RORA: variants seen among roughly 807,000 people sequenced by gnomAD.
RORA encodes the protein RAR related orphan receptor A.
Under a neutral mutation model 69.5 loss-of-function variants are expected in RORA, and 7 were observed. The observed-to-expected ratio is 0.10, with a 90% CI of 0.06 to 0.19. RORA has a LOEUF of 0.19. Among genes scored for constraint, RORA ranks in the 10% least tolerant of loss-of-function variants. The probability of loss-of-function intolerance (pLI) is 1.00; values close to 1 mark genes in which losing one functional copy is unlikely to be tolerated. For synonymous variants in RORA, 261 were observed against 240.8 expected (o/e 1.08, Z -0.78); for missense variants, 457 against 663.0 (o/e 0.69, Z 3.41).
At chr15:60,973,850 C>T (rs1426376936) in intron 1 of RORA, among the ~76,000 whole-genome samples, 1 of 152,208 alleles carries the variant, frequency 6.6e-6, no homozygotes, top group Non-Finnish European at 1.5e-5. Flanking sequence ...CTGGACTCGC[C>T]AATTAGGCCC....
At chr15:60,853,987 G>A (rs1239828483) in intron 1 of RORA, among the ~76,000 whole-genome samples, 2 of 152,148 alleles carry the variant, frequency 1.3e-5, no homozygotes, top group Admixed American at 6.5e-5. Flanking sequence ...GGTACAGTGG[G>A]GCGTGGTGGC....
At chr15:60,684,843 A>C (rs945639250) in intron 1 of RORA, among the ~76,000 whole-genome samples, 5 of 152,112 alleles carry the variant, frequency 3.3e-5, no homozygotes. Flanking sequence ...GAAGGCTTTC[A>C]CAAGATTTAT....
chr15:60,503,661 C>T lies in RORA; in HGVS notation c.949G>A (p.Glu317Lys). Residue 317 changes from glutamate (E) to lysine (K), a missense_variant, in exon 7 of 11, where the codon GAG (glutamate) becomes AAG (lysine). Physicochemically the swap from Glu to Lys is moderately conservative, Grantham distance 56. This residue lies in a region of RORA where 304 missense variants were observed against 447.4 expected (regional missense o/e 0.68). Transcript: ENST00000335670. ...ATGGCACACAATTGCCACATCACCT[C>T]CCGCTGCTGTTAAAGAGGGAAACAC... ...EIENYQNKQR[E>K]VMWQLCAIKI... 6.2e-7 allele frequency: 1 copy of T among 1,613,864 alleles called. No individual in the cohort carries two copies. Among genetic ancestry groups the T allele is most frequent in the Non-Finnish European group, 8.5e-7 (1 of 1,179,988 alleles).
At chr15:60,736,919 T>C (rs117728520) in intron 1 of RORA, 1 of 152,312 alleles carries the variant, frequency 6.6e-6, no homozygotes, top group East Asian at 1.9e-4. Context: ...CTTGCCACCT[T>C]CCCAATGCCT....
intron 1 of RORA, among the ~76,000 whole-genome samples, chr15:61,145,799 A>G (rs757261600): frequency 6.6e-6 from 1 of 152,172 alleles, no homozygotes; most frequent in Admixed American, 6.5e-5. Flanking sequence ...TTCAGCCAAG[A>G]GAAGGGGGCA....
intron 2 of RORA, among the ~76,000 whole-genome samples, chr15:60,673,992 CCTGA>C (rs926655967): frequency 6.6e-6 from 1 of 152,178 alleles, no homozygotes; most frequent in Non-Finnish European, 1.5e-5. Flanking sequence ...TATCCCTTTT[CCTGA>C]CTATTTGTCA....
rs1567026119 is a variant in RORA at position 60,489,001 on chromosome 15, T to C, written c.*8454A>G. 6.6e-6 allele frequency: 1 copy of C among 152,204 alleles called. No individual in the cohort carries two copies. Among genetic ancestry groups the C allele is most frequent in the East Asian group, 1.9e-4 (1 of 5,196 alleles). 9.4% of individuals were successfully genotyped at this position (152,204 alleles called of 1,614,324 possible). ...AACGTTTTAATTGGGGCACACTTGT[T>C]ATCATTTAACAATTGTCAAATGCTG... On this transcript the variant is annotated 3_prime_UTR_variant, in exon 11 of 11. Transcript: ENST00000335670.
chr15:60,619,975 G>A (rs968130642), intron 2 of RORA, among the ~76,000 whole-genome samples: 4 of 152,170 alleles, frequency 2.6e-5, no homozygotes, highest in Non-Finnish European at 4.4e-5. Flanking sequence ...CTTCTCTGAC[G>A]TCTTCCCCAG....
chr15:60,809,352 A>G (rs2072709390), intron 1 of RORA, among the ~76,000 whole-genome samples: 1 of 152,184 alleles, frequency 6.6e-6, no homozygotes, highest in Admixed American at 6.5e-5. Flanking sequence ...GTGTTTTTCA[A>G]AATTCATTTA....
intron 1 of RORA, among the ~76,000 whole-genome samples, chr15:61,167,305 C>T (rs762957814): frequency 4.6e-5 from 7 of 151,996 alleles, no homozygotes; most frequent in Non-Finnish European, 7.4e-5. Flanking sequence ...TCCTGATATT[C>T]ATATAGTCCA....
chr15:60,868,647 G>A (rs960139763), intron 1 of RORA, among the ~76,000 whole-genome samples: 3 of 152,098 alleles, frequency 2.0e-5, no homozygotes, highest in Admixed American at 1.3e-4. Context: ...ACCCCAAAGT[G>A]CGTGGTACTT....
chr15:61,106,872 A>G (rs1267186701), intron 1 of RORA, among the ~76,000 whole-genome samples: 1 of 152,236 alleles, frequency 6.6e-6, no homozygotes, highest in East Asian at 1.9e-4. Flanking sequence ...CAAAGTAGAA[A>G]GAGGGGATAA....
At chr15:60,568,280 CAGAA>C (rs968556463) in intron 2 of RORA, among the ~76,000 whole-genome samples, 4 of 152,168 alleles carry the variant, frequency 2.6e-5, no homozygotes, top group Non-Finnish European at 5.9e-5. Context: ...GCCCCACCCA[CAGAA>C]AGGTGGAACA....
intron 9 of RORA, 38 bp from the exon 10 acceptor site, chr15:60,500,042 G>T: frequency 7.9e-7 from 1 of 1,267,300 alleles, no homozygotes; most frequent in South Asian, 1.2e-5. Context: ...GCATTCCTCT[G>T]ACATGGTGTC....
intron 10 of RORA, among the ~76,000 whole-genome samples, chr15:60,498,879 A>G (rs1171354428): frequency 6.6e-6 from 1 of 151,856 alleles, no homozygotes; most frequent in Non-Finnish European, 1.5e-5. Context: ...AAAAACAAGC[A>G]AACAAATAAA....
At chr15:60,933,421 A>T (rs912841890) in intron 1 of RORA, among the ~76,000 whole-genome samples, 3 of 152,048 alleles carry the variant, frequency 2.0e-5, no homozygotes, top group Admixed American at 1.3e-4. Flanking sequence ...GCCTCTGGAA[A>T]TTTTGCCTAC....
intron 1 of RORA, among the ~76,000 whole-genome samples, chr15:60,880,472 C>G (rs1251286220): frequency 2.0e-5 from 3 of 152,170 alleles, no homozygotes; most frequent in Non-Finnish European, 4.4e-5. Context: ...AACCCCATCT[C>G]TACTAAAAAT....
chr15:60,821,117 T>C (rs1595741508), intron 1 of RORA, among the ~76,000 whole-genome samples: 1 of 152,152 alleles, frequency 6.6e-6, no homozygotes, highest in Non-Finnish European at 1.5e-5. Context: ...TTGGCCAACA[T>C]TGGCTCCTTC....
intron 1 of RORA, among the ~76,000 whole-genome samples, chr15:60,697,944 G>A (rs772631444): frequency 6.6e-5 from 10 of 152,100 alleles, no homozygotes; most frequent in African/African-American, 9.7e-5. Context: ...AATGAGAAAC[G>A]AGGCTCCTGT....
Sources: allele counts gnomAD v4.1 joint callset (sites outside exome capture counted in the v4.1 genomes callset), GRCh38; gene constraint gnomAD v4.1.1; regional missense constraint gnomAD v4.1.1; transcripts MANE v1.5; gene names NCBI Gene and HGNC (gene_info 2026-07-23, HGNC 2026-07-21).